The following FAM53A variants were observed in gnomAD, a reference collection of about 807,000 sequenced individuals.
FAM53A encodes family with sequence similarity 53 member A.
Under a neutral mutation model 26.6 loss-of-function variants are expected in FAM53A, and 28 were observed. That is an observed-to-expected ratio of 1.05 (90% CI 0.78 to 1.45). FAM53A has a LOEUF of 1.45. Among genes scored for constraint, FAM53A ranks in the 40% most tolerant of loss-of-function variants. FAM53A has a pLI of 0.00. For synonymous variants in FAM53A, 290 were observed against 253.1 expected (o/e 1.15, Z -1.38); for missense variants, 650 against 575.8 (o/e 1.13, Z -1.32).
At chr4:1,575,530 G>C in the FAM53A span, among the ~76,000 whole-genome samples, 1 of 152,148 alleles carries the variant, frequency 6.6e-6, no homozygotes, top group Non-Finnish European at 1.5e-5. Flanking sequence ...GAGGGGGGCT[G>C]TCAAGGGGGT....
chr4:1,607,699 G>GAAA, the FAM53A span, among the ~76,000 whole-genome samples: 4 of 152,154 alleles, frequency 2.6e-5, no homozygotes, highest in Admixed American at 1.3e-4. Flanking sequence ...CCAGCACTTT[G>GAAA]GGAGGCCGAG....
At chr4:1,669,579 C>T (rs558633678) in intron 1 of FAM53A, among the ~76,000 whole-genome samples, 1 of 152,350 alleles carries the variant, frequency 6.6e-6, no homozygotes, top group Admixed American at 6.5e-5. Context: ...GCCCTGCACC[C>T]AGCGTGTCCC....
chr4:1,635,327 GGAGTA>G (rs956115983), downstream of FAM53A, among the ~76,000 whole-genome samples: 9 of 152,256 alleles, frequency 5.9e-5, no homozygotes, highest in African/African-American at 2.2e-4. Flanking sequence ...AGGCTGGAGT[GGAGTA>G]GTGTGATCTT....
At chr4:1,629,945 C>T (rs370801677) in intron 1 of FAM53A, among the ~76,000 whole-genome samples, 54 of 152,112 alleles carry the variant, frequency 3.6e-4, no homozygotes, top group Non-Finnish European at 7.4e-4. Context: ...TTCAGATGGG[C>T]CCTGGCCTGA....
At chr4:1,591,432 G>A in the FAM53A span, among the ~76,000 whole-genome samples, 35 of 152,276 alleles carry the variant, frequency 2.3e-4, 1 homozygote, top group East Asian at 6.4e-3. Context: ...AGGAATGAAG[G>A]AGAGAGAATG....
At chr4:1,660,532 C>T (rs1004837617) in intron 2 of FAM53A, among the ~76,000 whole-genome samples, 1 of 150,248 alleles carries the variant, frequency 6.7e-6, no homozygotes, top group African/African-American at 2.5e-5. Flanking sequence ...AAGGCTGCAG[C>T]GAACGACTGA....
intron 1 of FAM53A, among the ~76,000 whole-genome samples, chr4:1,624,677 A>G (rs997322474): frequency 6.6e-6 from 1 of 152,214 alleles, no homozygotes. Flanking sequence ...CCACCACGCC[A>G]GGTACCGCCA....
At chr4:1,679,997 T>C in intron 1 of FAM53A, among the ~76,000 whole-genome samples, 1 of 139,154 alleles carries the variant, frequency 7.2e-6, no homozygotes, top group South Asian at 2.2e-4. Context: ...CGCTCCAGCC[T>C]GAGCGACAGG....
At chr4:1,627,074 G>C (rs960045528) in intron 1 of FAM53A, among the ~76,000 whole-genome samples, 6 of 152,184 alleles carry the variant, frequency 3.9e-5, no homozygotes, top group Admixed American at 3.3e-4. Context: ...CCATGTGGAC[G>C]CAGGCCAGGA....
intron 4 of FAM53A, among the ~76,000 whole-genome samples, chr4:1,642,258 G>A (rs1016956866): frequency 5.9e-5 from 9 of 152,144 alleles, no homozygotes; most frequent in Non-Finnish European, 1.0e-4. Context: ...AAATACGTGC[G>A]ACAAACAGGT....
chr4:1,635,836 CTTTTTTTTTTT>C (rs141715501), downstream of FAM53A, among the ~76,000 whole-genome samples: 9 of 81,524 alleles, frequency 1.1e-4, no homozygotes, highest in East Asian at 1.2e-3. Flanking sequence ...AATACTAATT[CTTTTTTTTTTT>C]TTTTTTTTTT....
chr4:1,598,906 G>C, the FAM53A span, among the ~76,000 whole-genome samples: 1 of 152,250 alleles, frequency 6.6e-6, no homozygotes, highest in East Asian at 1.9e-4. Flanking sequence ...AGTCATGATT[G>C]TAAAAATATA....
chr4:1,586,884 C>T, the FAM53A span, among the ~76,000 whole-genome samples: 7 of 152,200 alleles, frequency 4.6e-5, no homozygotes, highest in African/African-American at 1.4e-4. Flanking sequence ...CTTTTCTCCA[C>T]ATCCTCACCA....
chr4:1,631,840 C>T (rs904976199), intron 1 of FAM53A, among the ~76,000 whole-genome samples: 5 of 152,080 alleles, frequency 3.3e-5, no homozygotes, highest in Non-Finnish European at 7.4e-5. Context: ...GAAACAGCAA[C>T]AAAAAAATTG....
intron 1 of FAM53A, among the ~76,000 whole-genome samples, chr4:1,624,282 G>C (rs1300342280): frequency 6.6e-6 from 1 of 152,172 alleles, no homozygotes; most frequent in African/African-American, 2.4e-5. Flanking sequence ...GCAGGGTGGG[G>C]CTGGACGCAG....
the FAM53A span, among the ~76,000 whole-genome samples, chr4:1,577,893 G>A: frequency 2.0e-5 from 3 of 151,920 alleles, no homozygotes; most frequent in South Asian, 4.2e-4. Context: ...CCAGGCAGCC[G>A]CAGGGCTGCG....
downstream of FAM53A, among the ~76,000 whole-genome samples, chr4:1,638,201 GC>G (rs1015070149): frequency 1.3e-4 from 20 of 152,028 alleles, no homozygotes; most frequent in African/African-American, 4.6e-4. Context: ...GAGGGTCCTG[GC>G]CCCCCATTCC....
intron 1 of FAM53A, among the ~76,000 whole-genome samples, chr4:1,632,163 CAA>C (rs33944808): frequency 1.6e-4 from 17 of 107,434 alleles, no homozygotes; most frequent in Non-Finnish European, 1.3e-4. Context: ...GATTCCATCT[CAA>C]AAAAAAAAAA....
In FAM53A at chr4:1,659,525, A is replaced by T. The variant is rs559047126; in HGVS notation, c.76-2057T>A. Among the ~76,000 whole-genome samples the T allele has an allele frequency of 6.6e-6, 1 of 152,304 alleles. No homozygotes were observed. The highest frequency in any genetic ancestry group is 1.9e-4 in the East Asian group (1 of 5,190). On this transcript the variant is annotated intron_variant, in intron 2 of 4. Transcript: ENST00000308132. The surrounding 1 kb of genome is among the most constrained non-coding windows in gnomAD (Gnocchi z 5.2). ...GGAGCCACAGGCCCGCACGGTCCCA[A>T]ATGTGACCACCTCTATGCAAAGACA... is the stretch of plus-strand genomic sequence containing the variant.
Sources: gnomAD v4.1 joint callset for allele counts (sites outside exome capture counted in the v4.1 genomes callset) on GRCh38, gnomAD v4.1.1 for gene constraint, Gnocchi (gnomAD v3.1) non-coding constraint, MANE v1.5 for transcripts, NCBI Gene and HGNC (gene_info 2026-07-23, HGNC 2026-07-21) for gene names.